The following RBFOX1 variants were observed in gnomAD, a reference collection of about 807,000 sequenced individuals.
The protein encoded by RBFOX1 is RNA binding fox-1 homolog 1, also known as RNA binding protein fox-1 homolog 1.
In RBFOX1, 8 loss-of-function variants were observed where a neutral mutation model predicts 57.7. The ratio of observed to expected loss-of-function variants is 0.14; its 90% CI spans 0.08 to 0.25. RBFOX1 has a LOEUF of 0.25. RBFOX1 is among the 10% of genes least tolerant of loss of function. The probability of loss-of-function intolerance (pLI) is 1.00; values close to 1 mark genes in which losing one functional copy is unlikely to be tolerated. For synonymous variants in RBFOX1, 326 were observed against 222.4 expected (o/e 1.47, Z -4.15); for missense variants, 611 against 548.5 (o/e 1.11, Z -1.14).
intron 2 of RBFOX1, among the ~76,000 whole-genome samples, chr16:5,493,620 C>A (rs1050769848): frequency 2.6e-5 from 4 of 152,194 alleles, no homozygotes; most frequent in Non-Finnish European, 4.4e-5. Context: ...GTAATAAGAG[C>A]TGAGAGTGAA....
chr16:7,602,051 G>A (rs746135111), intron 9 of RBFOX1, among the ~76,000 whole-genome samples: 1 of 152,154 alleles, frequency 6.6e-6, no homozygotes, highest in Non-Finnish European at 1.5e-5. Context: ...AATTCCTGTA[G>A]CGTACATAAG....
intron 1 of RBFOX1, among the ~76,000 whole-genome samples, chr16:6,103,299 T>G (rs1207820714): frequency 6.6e-6 from 1 of 152,214 alleles, no homozygotes; most frequent in African/African-American, 2.4e-5. Context: ...AGTACTCATA[T>G]GACAAAAGAT....
intron 2 of RBFOX1, among the ~76,000 whole-genome samples, chr16:6,538,961 T>TTGG (rs1369001087): frequency 1.3e-5 from 2 of 152,052 alleles, no homozygotes; most frequent in Admixed American, 1.3e-4. Flanking sequence ...TGTTGGCTGG[T>TTGG]TTGTTGGTGT....
chr16:6,678,895 C>G (rs1040819382), intron 3 of RBFOX1, among the ~76,000 whole-genome samples: 1 of 152,082 alleles, frequency 6.6e-6, no homozygotes. Flanking sequence ...AGCATGAATT[C>G]CACCCTTCTT....
chr16:7,250,787 G>A (rs2094473407), intron 4 of RBFOX1, among the ~76,000 whole-genome samples: 1 of 152,138 alleles, frequency 6.6e-6, no homozygotes, highest in Admixed American at 6.5e-5. Context: ...CAAAGAATCA[G>A]GCACCAAGAC....
chr16:6,795,778 GAA>G (rs113767362), intron 3 of RBFOX1, among the ~76,000 whole-genome samples: 8 of 134,578 alleles, frequency 5.9e-5, no homozygotes, highest in Admixed American at 2.9e-4. Context: ...AATAAAAAAT[GAA>G]AAAAAAAAAA....
At chr16:7,066,024 G>T (rs537320847) in intron 4 of RBFOX1, among the ~76,000 whole-genome samples, 2 of 152,084 alleles carry the variant, frequency 1.3e-5, no homozygotes, top group Non-Finnish European at 2.9e-5. Flanking sequence ...CAATTGAAAT[G>T]GTTTAATTCA....
At chr16:5,497,413 G>T (rs890402576) in intron 2 of RBFOX1, among the ~76,000 whole-genome samples, 1 of 151,876 alleles carries the variant, frequency 6.6e-6, no homozygotes, top group African/African-American at 2.4e-5. Flanking sequence ...GTTGAGCCTT[G>T]ACTATGTGCT....
chr16:6,405,636 A>C (rs1341130934), intron 2 of RBFOX1, among the ~76,000 whole-genome samples: 1 of 152,194 alleles, frequency 6.6e-6, no homozygotes, highest in African/African-American at 2.4e-5. Context: ...CATAAAGGGA[A>C]GGAATAGCAA....
chr16:6,468,198 C>T (rs1479237926), intron 2 of RBFOX1, among the ~76,000 whole-genome samples: 1 of 152,102 alleles, frequency 6.6e-6, no homozygotes. Flanking sequence ...TGGTTAGGAA[C>T]ATTGGAGAGC....
At chr16:6,788,412 A>G (rs919691202) in intron 3 of RBFOX1, among the ~76,000 whole-genome samples, 3 of 151,602 alleles carry the variant, frequency 2.0e-5, no homozygotes, top group Non-Finnish European at 4.4e-5. Flanking sequence ...CTCTGAAAAT[A>G]GTCAGCCTGC....
chr16:5,952,548 A>G (rs1034350661), intron 4 of RBFOX1, among the ~76,000 whole-genome samples: 1 of 152,160 alleles, frequency 6.6e-6, no homozygotes, highest in Non-Finnish European at 1.5e-5. Context: ...TGGCCTTCCA[A>G]AGTGCTAAGA....
At chr16:6,674,612 G>A (rs1482983231) in intron 3 of RBFOX1, among the ~76,000 whole-genome samples, 5 of 152,072 alleles carry the variant, frequency 3.3e-5, no homozygotes, top group Non-Finnish European at 5.9e-5. Flanking sequence ...GTGAGCCACC[G>A]TGCCCAGCCC....
At chr16:7,191,404 T>C (rs977481977) in intron 4 of RBFOX1, among the ~76,000 whole-genome samples, 1 of 151,778 alleles carries the variant, frequency 6.6e-6, no homozygotes, top group African/African-American at 2.4e-5. Context: ...CTGTGACAAA[T>C]GGCGCCTCAT....
At chr16:6,649,228 A>G (rs959715936) in intron 2 of RBFOX1, among the ~76,000 whole-genome samples, 1 of 152,242 alleles carries the variant, frequency 6.6e-6, no homozygotes, top group South Asian at 2.1e-4. Context: ...TCAACTTAAC[A>G]CAGTGTTCTC....
At chr16:7,285,378 TTGTGTGTG>T (rs113808623) in intron 4 of RBFOX1, among the ~76,000 whole-genome samples, 13 of 147,578 alleles carry the variant, frequency 8.8e-5, no homozygotes, top group African/African-American at 2.7e-4. Context: ...CTTGCATTAA[TTGTGTGTG>T]TGTGTGTGTG....
intron 2 of RBFOX1, among the ~76,000 whole-genome samples, chr16:6,341,203 C>A (rs145244827): frequency 6.6e-6 from 1 of 152,190 alleles, no homozygotes; most frequent in African/African-American, 2.4e-5. Context: ...TCTGAACTCT[C>A]TATGGGAAAG....
At chr16:7,079,559 CATCTGTTT>C (rs2058838369) in intron 4 of RBFOX1, among the ~76,000 whole-genome samples, 1 of 152,162 alleles carries the variant, frequency 6.6e-6, no homozygotes, top group Non-Finnish European at 1.5e-5. Flanking sequence ...GGTGGTGTCA[CATCTGTTT>C]CTCTCCCTCT....
At chr16:6,252,418 A>G (rs990667688) in intron 1 of RBFOX1, among the ~76,000 whole-genome samples, 5 of 152,172 alleles carry the variant, frequency 3.3e-5, no homozygotes, top group African/African-American at 7.2e-5. Context: ...AAAAAAGAAG[A>G]AAAAGCATCT....
Sources: gnomAD v4.1 joint callset for allele counts (sites outside exome capture counted in the v4.1 genomes callset) on GRCh38, gnomAD v4.1.1 for gene constraint, MANE v1.5 for transcripts, NCBI Gene and HGNC (gene_info 2026-07-23, HGNC 2026-07-21) for gene names.